TGFBR3: variants seen among roughly 807,000 people sequenced by gnomAD.
The protein encoded by TGFBR3 is transforming growth factor beta receptor 3, also known as transforming growth factor beta receptor type 3.
A neutral mutation model predicts 87.9 loss-of-function variants in TGFBR3; 46 were observed. The ratio of observed to expected loss-of-function variants is 0.52; its 90% confidence interval spans 0.41 to 0.67. The LOEUF is 0.67. TGFBR3 is among the 30% of genes least tolerant of loss of function. The pLI, the probability that TGFBR3 is intolerant of heterozygous loss-of-function variation, is 0.00. For missense variants in TGFBR3, 866 were observed against 1,041.9 expected, an observed-to-expected ratio of 0.83 and a Z score of 2.32; for synonymous variants, 381 against 391.6, an observed-to-expected ratio of 0.97 and a Z score of 0.32.
intron 2 of TGFBR3, among the ~76,000 whole-genome samples, chr1:91,800,241 AAT>A (rs1402997279): frequency 1.9e-3 from 245 of 129,408 alleles, no homozygotes; most frequent in African/African-American, 4.3e-3. Flanking sequence ...AAAAAAAAAA[AAT>A]ATATATATAT....
At chr1:91,856,258 G>C (rs917558714) in intron 2 of TGFBR3, among the ~76,000 whole-genome samples, 1 of 152,034 alleles carries the variant, frequency 6.6e-6, no homozygotes, top group African/African-American at 2.4e-5. Context: ...AGTAGAGACG[G>C]GGTTTCACCG....
At chr1:91,775,419 GC>G (rs1674533338) in intron 3 of TGFBR3, among the ~76,000 whole-genome samples, 1 of 152,152 alleles carries the variant, frequency 6.6e-6, no homozygotes, top group South Asian at 2.1e-4. Context: ...GAGGGCCTGG[GC>G]CCTTTATTTG....
intron 3 of TGFBR3, among the ~76,000 whole-genome samples, chr1:91,794,384 G>A (rs1675299994): frequency 6.6e-6 from 1 of 152,052 alleles, no homozygotes; most frequent in Non-Finnish European, 1.5e-5. Context: ...TGTATTTTTA[G>A]TAGAGAAGGG....
At chr1:91,685,991 A>G (rs1252790550) in intron 16 of TGFBR3, among the ~76,000 whole-genome samples, 1 of 152,190 alleles carries the variant, frequency 6.6e-6, no homozygotes, top group Non-Finnish European at 1.5e-5. Context: ...TCCTATTTTA[A>G]TAAGGATACA....
intron 1 of TGFBR3, among the ~76,000 whole-genome samples, chr1:91,878,423 T>C (rs985726154): frequency 3.9e-5 from 6 of 152,180 alleles, no homozygotes; most frequent in African/African-American, 1.4e-4. Flanking sequence ...TCACTAAAAA[T>C]GCTAACAAAA....
chr1:91,720,038 C>T lies in TGFBR3; in HGVS notation c.1268G>A (p.Arg423Gln), dbSNP rs201034517. The T allele has an allele frequency of 3.1e-5, 50 of 1,614,180 alleles. 1 individual carries two copies. In the Admixed American group the frequency reaches 6.3e-4, roughly 20 times the overall value. ...GCTGGGAATGACAGGGTCCTTTGGC[C>T]GAGGGAGCCCATCTTCTCCCTCTTC... ...WNEEGEDGLP[R>Q]PKDPVIPSIQ... is the part of the protein sequence containing the mutation. The change falls in exon 9 of 17, where the codon CGG (arginine) becomes CAG (glutamine). Residue 423 changes from arginine to glutamine, a missense_variant. Coordinates refer to ENST00000212355, the MANE Select transcript of TGFBR3 (RefSeq NM_003243.5).
chr1:91,792,241 A>G (rs944896779), intron 3 of TGFBR3, among the ~76,000 whole-genome samples: 3 of 152,004 alleles, frequency 2.0e-5, no homozygotes, highest in Non-Finnish European at 4.4e-5. Flanking sequence ...TTCTGCTTAC[A>G]CTGTTGGTAT....
At chr1:91,801,900 T>C (rs1269690313) in intron 2 of TGFBR3, among the ~76,000 whole-genome samples, 2 of 152,278 alleles carry the variant, frequency 1.3e-5, no homozygotes, top group South Asian at 2.1e-4. Flanking sequence ...AGGAATTTTA[T>C]CCTGAAAAAC....
In TGFBR3 at chr1:91,682,021, G is replaced by A. The variant is rs1670925685; in HGVS notation, c.*1718C>T. The A allele has an allele frequency of 2.2e-6, 1 of 452,792 alleles. No individual in the cohort carries two copies. The highest frequency in any genetic ancestry group is 4.4e-6 in the Non-Finnish European group (1 of 226,552). The allele number at this position is 452,792 out of a possible 1,614,324, so 28.0% of individuals were successfully genotyped here. ...CTGGAAATCTCAGCCCTAAAGTAAT[G>A]TTTTAGTTAAAATGTTCCTTATTGA... is the stretch of plus-strand genomic sequence containing the variant. On this transcript the variant is annotated 3_prime_UTR_variant, in exon 17 of 17. Coordinates refer to ENST00000212355, the MANE Select transcript of TGFBR3 (RefSeq NM_003243.5).
intron 2 of TGFBR3, among the ~76,000 whole-genome samples, chr1:91,803,106 G>A (rs1675699429): frequency 2.0e-5 from 3 of 152,178 alleles, no homozygotes; most frequent in Non-Finnish European, 4.4e-5. Flanking sequence ...CTGTCCAGAT[G>A]AAGCCCCAAA....
intron 3 of TGFBR3, among the ~76,000 whole-genome samples, chr1:91,760,482 G>A (rs1673919433): frequency 6.6e-6 from 1 of 152,098 alleles, no homozygotes; most frequent in African/African-American, 2.4e-5. Flanking sequence ...TAGCCAAAAG[G>A]CCGGGAAGTA....
At chr1:91,847,311 G>A (rs1677539239) in intron 2 of TGFBR3, among the ~76,000 whole-genome samples, 1 of 152,038 alleles carries the variant, frequency 6.6e-6, no homozygotes, top group South Asian at 2.1e-4. Flanking sequence ...GTGATTATAA[G>A]AATAAAGTAG....
intron 2 of TGFBR3, among the ~76,000 whole-genome samples, chr1:91,836,450 C>G (rs1455473967): frequency 6.6e-6 from 1 of 151,160 alleles, no homozygotes; most frequent in African/African-American, 2.4e-5. Context: ...TGTAGCAAAC[C>G]GAGGTTACAC....
At chr1:91,874,573 C>T (rs761758268) in intron 1 of TGFBR3, among the ~76,000 whole-genome samples, 1 of 152,214 alleles carries the variant, frequency 6.6e-6, no homozygotes, top group Non-Finnish European at 1.5e-5. Flanking sequence ...TCTCAGCTCA[C>T]TGCAACCTCC....
intron 2 of TGFBR3, among the ~76,000 whole-genome samples, chr1:91,845,655 C>T (rs1318784201): frequency 1.3e-5 from 2 of 152,156 alleles, no homozygotes; most frequent in Non-Finnish European, 2.9e-5. Flanking sequence ...TTACCTGTTT[C>T]TTCCTTTCCT....
intron 2 of TGFBR3, among the ~76,000 whole-genome samples, chr1:91,802,333 T>C (rs554020548): frequency 1.6e-4 from 24 of 152,002 alleles, no homozygotes; most frequent in Non-Finnish European, 3.1e-4. Flanking sequence ...CTCCAGGCCA[T>C]CTCAGACTTA....
chr1:91,696,827 G>T (rs1458675017), intron 15 of TGFBR3, among the ~76,000 whole-genome samples: 1 of 152,050 alleles, frequency 6.6e-6, no homozygotes, highest in African/African-American at 2.4e-5. Flanking sequence ...TCAGTGTAAA[G>T]AAAGCTATTT....
chr1:91,761,763 A>T (rs1035068421), intron 3 of TGFBR3, among the ~76,000 whole-genome samples: 1 of 145,872 alleles, frequency 6.9e-6, no homozygotes, highest in Non-Finnish European at 1.5e-5. Flanking sequence ...GGCTTGGGGG[A>T]AAAAAAAAAA....
intron 4 of TGFBR3, among the ~76,000 whole-genome samples, chr1:91,751,622 CT>C (rs1005770019): frequency 8.6e-4 from 125 of 145,376 alleles, no homozygotes; most frequent in Middle Eastern, 3.5e-3. Flanking sequence ...ATATTTGGAC[CT>C]TTTTTTTTTT....
Sources: gnomAD v4.1 joint callset for allele counts (sites outside exome capture counted in the v4.1 genomes callset) on GRCh38, gnomAD v4.1.1 for gene constraint, MANE v1.5 for transcripts, NCBI Gene and HGNC (gene_info 2026-07-23, HGNC 2026-07-21) for gene names.